ZDHHC24: variants seen among roughly 807,000 people sequenced by gnomAD.
The protein encoded by ZDHHC24 is zDHHC palmitoyltransferase 24, also known as probable palmitoyltransferase ZDHHC24.
Under a neutral mutation model 23.2 loss-of-function variants are expected in ZDHHC24, and 17 were observed. The observed-to-expected ratio is 0.73, with a 90% CI of 0.50 to 1.10. The LOEUF (loss-of-function observed/expected upper bound fraction) is 1.10. Among genes scored for constraint, ZDHHC24 ranks in the 50% least tolerant of loss-of-function variants. The pLI is 0.00. For missense variants in ZDHHC24, 366 were observed against 393.0 expected, an observed-to-expected ratio of 0.93 and a Z score of 0.58; for synonymous variants, 186 against 194.5, an observed-to-expected ratio of 0.96 and a Z score of 0.36.
In ZDHHC24 at chr11:66,535,739, A is replaced by G. The variant is rs1266429641; in HGVS notation, c.*3790T>C. Among the ~76,000 whole-genome samples, 2 of 152,220 alleles carry G rather than the reference A, an allele frequency of 1.3e-5. No individual in the cohort carries two copies. The highest frequency in any genetic ancestry group is 2.9e-5 in the Non-Finnish European group (2 of 68,046). ...GTGCTGATTTTATCCAGACTGATCT[A>G]TAGATTCAGCTGGGTTCCATTCTAC... On this transcript the variant is annotated 3_prime_UTR_variant, in exon 3 of 3. Coordinates refer to ENST00000310442, the MANE Select transcript of ZDHHC24 (RefSeq NM_207340.3).
chr11:66,531,823 A>AG, downstream of ZDHHC24: 1 of 1,409,680 alleles, frequency 7.1e-7, no homozygotes, highest in Non-Finnish European at 9.9e-7. Flanking sequence ...CAAAGACCTT[A>AG]GGGGGCTCCT....
chr11:66,531,557 G>T (rs1014847706), downstream of ZDHHC24: 37 of 1,501,210 alleles, frequency 2.5e-5, no homozygotes, highest in Non-Finnish European at 3.4e-5. Flanking sequence ...CCCTGCAGGG[G>T]TGCTGAGGCT....
chr11:66,529,021 C>T, intron 3 of ZDHHC24: 2 of 920,862 alleles, frequency 2.2e-6, no homozygotes, highest in Non-Finnish European at 2.6e-6. Context: ...TTCATACCAG[C>T]CACAAAAATT....
Position 66,545,617 on chromosome 11 carries a change from CA to C in ZDHHC24, c.281+105del. 7.0e-6 allele frequency: 9 copies of C among 1,279,806 alleles called. No individual in the cohort carries two copies. Among genetic ancestry groups the C allele is most frequent in the Non-Finnish European group, 9.2e-6 (9 of 973,424 alleles). 79.3% of individuals were successfully genotyped at this position (1,279,806 alleles called of 1,614,324 possible). A position where few individuals can be genotyped will look rare whatever the true frequency, so the allele number is the denominator to read the frequency against. On this transcript the variant is annotated intron_variant, in intron 1 of 2. Transcript: ENST00000310442. The surrounding 1 kb of genome is among the most constrained non-coding windows in gnomAD (Gnocchi z 4.5). ...GTTCTAAAAAAATGTCTGATTCTAA[CA>C]ACCTGGATCCTAATGTAACCCGGTT...
chr11:66,530,054 C>T lies in ZDHHC24; in HGVS notation c.560-566G>A, dbSNP rs1328674984. On this transcript the variant is annotated intron_variant, in intron 2 of 4. Coordinates refer to the ZDHHC24 transcript ENST00000526986. The stretch of plus-strand genomic sequence containing the variant: ...GCTAAGCCCCAGAGCCAATTCCAAG[C>T]CAACTCAGCCCGTGCTCCCCATCAC... 5 of 1,491,510 alleles carry T rather than the reference C, an allele frequency of 3.4e-6. No individual in the cohort carries two copies. In the East Asian group the frequency reaches 9.9e-5, roughly 29 times the overall value. The allele number at this position is 1,491,510 out of a possible 1,614,324, so 92.4% of individuals were successfully genotyped here. A position where few individuals can be genotyped will look rare whatever the true frequency, so the allele number is the denominator to read the frequency against.
intron 3 of ZDHHC24, among the ~76,000 whole-genome samples, chr11:66,528,379 T>C (rs2134822175): frequency 6.6e-6 from 1 of 152,162 alleles, no homozygotes. Flanking sequence ...CCCAGTGGGG[T>C]TTGTTTTAAG....
chr11:66,529,227 G>A, intron 3 of ZDHHC24: 4 of 1,492,524 alleles, frequency 2.7e-6, no homozygotes, highest in Non-Finnish European at 2.7e-6. Flanking sequence ...GCTTGGGGAA[G>A]AGTCATGTGA....
intron 3 of ZDHHC24, chr11:66,527,187 A>C: frequency 1.7e-6 from 1 of 592,540 alleles, no homozygotes; most frequent in Admixed American, 3.0e-5. Flanking sequence ...TACCTGGGTA[A>C]CATAATGATA....
Position 66,545,693 on chromosome 11 carries a change from T to C in ZDHHC24, c.281+30A>G. 6.8e-7 allele frequency: 1 copy of C among 1,480,578 alleles called. No homozygotes were observed. Among genetic ancestry groups the C allele is most frequent in the Non-Finnish European group, 8.9e-7 (1 of 1,120,464 alleles). The allele number at this position is 1,480,578 out of a possible 1,614,324, so 91.7% of individuals were successfully genotyped here. A position where few individuals can be genotyped will look rare whatever the true frequency, so the allele number is the denominator to read the frequency against. ...CTCCCCCCTGTCCAAGGCTCCCACT[T>C]CTCCCCGCCCGATCCCGCACCCCAC... On this transcript the variant is annotated intron_variant, in intron 1 of 2. Coordinates refer to ENST00000310442, the MANE Select transcript of ZDHHC24 (RefSeq NM_207340.3). This position sits in a 1 kb window ranked among gnomAD's most constrained non-coding sequence, Gnocchi z 4.5.
intron 4 of ZDHHC24, among the ~76,000 whole-genome samples, chr11:66,525,233 C>T (rs1267696133): frequency 6.8e-6 from 1 of 147,880 alleles, no homozygotes; most frequent in African/African-American, 2.5e-5. Context: ...TGATGGCACA[C>T]CTGTAATCCC....
Position 66,539,258 on chromosome 11 carries a change from C to T in ZDHHC24, c.*271G>A. ...GAAACTATGCAAAGATGGAGGGAGGCTGAGAAACAAGTCAGTGCTTTATTA... is the reference window on the plus strand; with the variant it reads ...GAAACTATGCAAAGATGGAGGGAGGTTGAGAAACAAGTCAGTGCTTTATTA... On this transcript the variant is annotated 3_prime_UTR_variant, in exon 3 of 3. Coordinates refer to ENST00000310442, the MANE Select transcript of ZDHHC24 (RefSeq NM_207340.3). 1 of 1,179,702 alleles carries T rather than the reference C, an allele frequency of 8.5e-7. No individual in the cohort carries two copies. The highest frequency in any genetic ancestry group is 1.0e-6 in the Non-Finnish European group (1 of 954,918). The allele number at this position is 1,179,702 out of a possible 1,614,324, so 73.1% of individuals were successfully genotyped here.
chr11:66,531,051 A>C, downstream of ZDHHC24: 1 of 1,613,826 alleles, frequency 6.2e-7, no homozygotes, highest in South Asian at 1.1e-5. Flanking sequence ...CCTCACTTAG[A>C]TATGGAGTGG....
At chr11:66,541,185 TG>T (rs1427165812) in intron 2 of ZDHHC24, among the ~76,000 whole-genome samples, 1 of 152,010 alleles carries the variant, frequency 6.6e-6, no homozygotes, top group Non-Finnish European at 1.5e-5. Flanking sequence ...GTGGATCACC[TG>T]AGGTCAGGAG....
At chr11:66,530,779 G>C, downstream of ZDHHC24, 1 of 1,451,428 alleles carries the variant, frequency 6.9e-7, no homozygotes, top group Admixed American at 1.7e-5. Context: ...CTGGGAGGCA[G>C]ATTGAGTAGG....
intron 4 of ZDHHC24, chr11:66,523,928 G>T: frequency 1.2e-6 from 2 of 1,608,780 alleles, no homozygotes; most frequent in Non-Finnish European, 8.5e-7. Flanking sequence ...CCTTGCCCTC[G>T]TCTCACCTCT....
intron 2 of ZDHHC24, among the ~76,000 whole-genome samples, chr11:66,540,753 G>A (rs1454422667): frequency 2.0e-5 from 3 of 151,834 alleles, no homozygotes; most frequent in Non-Finnish European, 4.4e-5. Flanking sequence ...TACTTAATGT[G>A]TGCCGCCACA....
At chr11:66,529,760 C>T in intron 2 of ZDHHC24, 1 of 1,600,658 alleles carries the variant, frequency 6.2e-7, no homozygotes. Flanking sequence ...TGCCCCGTTG[C>T]TGCCTCCTCC....
chr11:66,532,056 A>G, downstream of ZDHHC24: 1 of 1,588,746 alleles, frequency 6.3e-7, no homozygotes, highest in Non-Finnish European at 8.6e-7. Context: ...CTGCTGTGAA[A>G]GCCCCTGCAC....
At position 66,538,548 on chromosome 11, in the gene ZDHHC24, A is replaced by G; in HGVS notation, c.*981T>C. ...ACTCCAGCCCCGGCAACAGAGAGAA[A>G]AAAGAAAATGTGGTCAGGCTCTGTG... On this transcript the variant is annotated 3_prime_UTR_variant, in exon 3 of 3. Coordinates refer to ENST00000310442, the MANE Select transcript of ZDHHC24 (RefSeq NM_207340.3). 6.6e-6 allele frequency: 1 copy of G among 152,152 alleles called. No individual in the cohort carries two copies. The highest frequency in any genetic ancestry group is 1.5e-5 in the Non-Finnish European group (1 of 68,032). 9.4% of individuals were successfully genotyped at this position (152,152 alleles called of 1,614,324 possible).
Sources: allele counts gnomAD v4.1 joint callset (sites outside exome capture counted in the v4.1 genomes callset), GRCh38; gene constraint gnomAD v4.1.1; non-coding constraint Gnocchi (gnomAD v3.1); transcripts MANE v1.5; gene names NCBI Gene and HGNC (gene_info 2026-07-23, HGNC 2026-07-21).